The following ARMH3 variants were observed in gnomAD, a reference collection of about 807,000 sequenced individuals.
ARMH3 encodes armadillo like helical domain containing 3.
ARMH3 carries 60 observed loss-of-function variants against 99.1 expected under a neutral mutation model. That is an observed-to-expected ratio of 0.61 (90% confidence interval 0.49 to 0.75). ARMH3 has a LOEUF of 0.75. Ranked by LOEUF, ARMH3 falls within the 30% of genes least tolerant of loss-of-function variation. ARMH3 has a pLI of 0.00. For synonymous variants in ARMH3, 285 were observed against 292.8 expected, an observed-to-expected ratio of 0.97 and a Z score of 0.27; for missense variants, 679 against 843.1, an observed-to-expected ratio of 0.81 and a Z score of 2.41.
intron 20 of ARMH3, among the ~76,000 whole-genome samples, chr10:101,969,834 G>A (rs941935380): frequency 3.9e-5 from 6 of 152,124 alleles, no homozygotes; most frequent in Admixed American, 6.6e-5. Context: ...TCTGTTTAGC[G>A]TCTGGTTCCA....
chr10:101,909,636 A>G (rs1343105192), intron 23 of ARMH3, among the ~76,000 whole-genome samples: 1 of 151,574 alleles, frequency 6.6e-6, no homozygotes, highest in Admixed American at 6.6e-5. Context: ...GGCCCAGCTA[A>G]TTTTTGTATT....
chr10:101,847,212 T>G lies in ARMH3; in HGVS notation c.*316A>C. The G allele has an allele frequency of 3.7e-6, 1 of 272,468 alleles. No individual in the cohort carries two copies. Among genetic ancestry groups the G allele is most frequent in the South Asian group, 4.9e-5 (1 of 20,398 alleles). 16.9% of individuals were successfully genotyped at this position (272,468 alleles called of 1,614,324 possible). On this transcript the variant is annotated 3_prime_UTR_variant, in exon 26 of 26. Transcript: ENST00000370033. ...GGCTTGCCTCACCAGCTCCCGAAAA[T>G]TAGTCAGTAGCTACAGCTTGTAACC...
Position 102,013,998 on chromosome 10 carries a change from C to G in ARMH3, c.696G>C (p.Leu232=), listed in dbSNP as rs374589339. ...GTGTGGCCTCATCATCCACGATAGA[C>G]AGCTTCACAATATAAGGATTCACAG... ...YESVNPYIVK[L]SIVDDEATLN... Residue 232 remains leucine (L), a synonymous_variant, in exon 9 of 26, where the codon CTG becomes CTC. Transcript: ENST00000370033. 6.2e-7 allele frequency: 1 copy of G among 1,611,816 alleles called. No homozygotes were observed. Among genetic ancestry groups the G allele is most frequent in the Non-Finnish European group, 8.5e-7 (1 of 1,178,790 alleles).
intron 1 of ARMH3, among the ~76,000 whole-genome samples, chr10:102,054,117 GC>G (rs771811032): frequency 1.2e-4 from 19 of 152,110 alleles, no homozygotes; most frequent in Non-Finnish European, 2.2e-4. Flanking sequence ...TCGGCTGGGG[GC>G]AGTGACTCAC....
intron 15 of ARMH3, among the ~76,000 whole-genome samples, chr10:101,997,191 C>T (rs1164900945): frequency 3.3e-5 from 5 of 151,694 alleles, no homozygotes; most frequent in African/African-American, 9.7e-5. Flanking sequence ...CTTGAATCCA[C>T]AAGGCAGAGG....
intron 8 of ARMH3, among the ~76,000 whole-genome samples, chr10:102,016,152 A>G (rs2066746665): frequency 2.0e-5 from 3 of 152,118 alleles, no homozygotes; most frequent in Non-Finnish European, 4.4e-5. Context: ...CAATCAAACA[A>G]ACATTTGGGA....
chr10:101,894,808 G>A lies in ARMH3; in HGVS notation c.1782-5318C>T, dbSNP rs556859822. Among the ~76,000 whole-genome samples, 11 of 151,480 alleles carry A rather than the reference G, an allele frequency of 7.3e-5. No homozygotes were observed. In the South Asian group the frequency reaches 2.3e-3, roughly 32 times the overall value. ...GAACTGCTTGAACCCAGGGGCCAGA[G>A]GTTGCAGTGAGCCAGAATCATGCCA... On this transcript the variant is annotated intron_variant, in intron 23 of 25. Coordinates refer to ENST00000370033, the MANE Select transcript of ARMH3 (RefSeq NM_024541.3).
At chr10:101,959,690 G>A (rs941973616) in intron 20 of ARMH3, among the ~76,000 whole-genome samples, 1 of 152,224 alleles carries the variant, frequency 6.6e-6, no homozygotes, top group African/African-American at 2.4e-5. Flanking sequence ...AGAGGAGGAA[G>A]AGAGCAACTC....
At chr10:101,972,308 T>A (rs1046059733) in intron 20 of ARMH3, among the ~76,000 whole-genome samples, 1 of 152,228 alleles carries the variant, frequency 6.6e-6, no homozygotes, top group African/African-American at 2.4e-5. Flanking sequence ...AACACCCACA[T>A]TCCAAACTAC....
intron 4 of ARMH3, among the ~76,000 whole-genome samples, chr10:102,031,249 T>C (rs2067125025): frequency 6.6e-6 from 1 of 152,214 alleles, no homozygotes; most frequent in Non-Finnish European, 1.5e-5. Context: ...TTTTCTCATC[T>C]ATAAAGTAGG....
At chr10:101,926,843 T>C (rs990229513) in intron 23 of ARMH3, among the ~76,000 whole-genome samples, 1 of 152,128 alleles carries the variant, frequency 6.6e-6, no homozygotes, top group Admixed American at 6.5e-5. Context: ...CCCTAAAGGA[T>C]CAGGGATAGT....
intron 1 of ARMH3, among the ~76,000 whole-genome samples, chr10:102,051,688 C>CA (rs1463975467): frequency 6.6e-6 from 1 of 152,248 alleles, no homozygotes; most frequent in South Asian, 2.1e-4. Flanking sequence ...GGAAGTAACT[C>CA]AGAGACTTTC....
intron 2 of ARMH3, among the ~76,000 whole-genome samples, chr10:102,035,641 A>G (rs2067238079): frequency 6.6e-6 from 1 of 152,248 alleles, no homozygotes; most frequent in Non-Finnish European, 1.5e-5. Flanking sequence ...CCTAACCGCG[A>G]GTGATCCGCC....
At chr10:102,040,635 C>A (rs2067388519) in intron 1 of ARMH3, among the ~76,000 whole-genome samples, 1 of 152,134 alleles carries the variant, frequency 6.6e-6, no homozygotes, top group Admixed American at 6.6e-5. Flanking sequence ...GCCAACAGCA[C>A]AACACATTTT....
intron 24 of ARMH3, among the ~76,000 whole-genome samples, chr10:101,879,183 T>C (rs954527592): frequency 1.3e-5 from 2 of 152,156 alleles, no homozygotes; most frequent in Non-Finnish European, 2.9e-5. Context: ...TTGTCACATA[T>C]GCCCCAGCCT....
chr10:101,917,428 G>A (rs186306741), intron 23 of ARMH3, among the ~76,000 whole-genome samples: 1 of 152,326 alleles, frequency 6.6e-6, no homozygotes, highest in Admixed American at 6.5e-5. Context: ...GCATGTATCA[G>A]TAGTTCATTC....
At chr10:101,887,914 A>G (rs2067591871) in intron 24 of ARMH3, among the ~76,000 whole-genome samples, 1 of 151,986 alleles carries the variant, frequency 6.6e-6, no homozygotes, top group Non-Finnish European at 1.5e-5. Flanking sequence ...GTGCTTGCTA[A>G]TCATCCTTTC....
In ARMH3 at chr10:101,869,286, AAACAACTC is replaced by A. The variant is rs1451080033; in HGVS notation, c.1861-19402_1861-19395del. 4.9e-5 allele frequency among the ~76,000 whole-genome samples: 7 copies of A among 144,224 alleles called. No homozygotes were observed. In the East Asian group the frequency reaches 1.5e-3, roughly 32 times the overall value. 94.6% of individuals were successfully genotyped at this position (144,224 alleles called of 152,430 possible). A position where few individuals can be genotyped will look rare whatever the true frequency, so the allele number is the denominator to read the frequency against. On this transcript the variant is annotated intron_variant, in intron 24 of 25. Transcript: ENST00000370033. ...TTAACTTCTAAAAGCGATTTATAGA[AAACAACTC>A]AACAACAAGGGAACACATTCTTTTC... is the stretch of plus-strand genomic sequence containing the variant.
Position 101,939,791 on chromosome 10 carries a change from T to G in ARMH3, c.1781+72A>C. 3.0e-6 allele frequency: 4 copies of G among 1,344,346 alleles called. 1 individual carries two copies. The South Asian group carries it at 4.8e-5, about 16-fold the overall frequency. 83.3% of individuals were successfully genotyped at this position (1,344,346 alleles called of 1,614,324 possible). A position where few individuals can be genotyped will look rare whatever the true frequency, so the allele number is the denominator to read the frequency against. On this transcript the variant is annotated intron_variant, in intron 23 of 25. Transcript: ENST00000370033. ...AAAATAGTAGTAGTGTTCAACACAC[T>G]TTACTTAGAAAGGTACAATAAACCT...
Sources: gnomAD v4.1 joint callset for allele counts (sites outside exome capture counted in the v4.1 genomes callset) on GRCh38, gnomAD v4.1.1 for gene constraint, MANE v1.5 for transcripts, NCBI Gene and HGNC (gene_info 2026-07-23, HGNC 2026-07-21) for gene names.